The following INTS9 variants were observed in gnomAD, a reference collection of about 807,000 sequenced individuals.
The protein encoded by INTS9 is integrator complex subunit 9.
A neutral mutation model predicts 79.7 loss-of-function variants in INTS9; 55 were observed. The observed-to-expected ratio is 0.69, with a 90% confidence interval of 0.56 to 0.86. The LOEUF is 0.86. Among genes scored for constraint, INTS9 ranks in the 40% least tolerant of loss-of-function variants. The pLI is 0.00. For missense variants in INTS9, 721 were observed against 831.5 expected (o/e 0.87, Z 1.64); for synonymous variants, 319 against 325.2 (o/e 0.98, Z 0.20).
At chr8:28,869,066 C>T (rs1170936852) in intron 1 of INTS9, among the ~76,000 whole-genome samples, 1 of 152,004 alleles carries the variant, frequency 6.6e-6, no homozygotes, top group African/African-American at 2.4e-5. Flanking sequence ...TGCACTCCAT[C>T]CTGGGCTACA....
At chr8:28,856,736 A>C (rs1808184887) in intron 2 of INTS9, among the ~76,000 whole-genome samples, 1 of 152,162 alleles carries the variant, frequency 6.6e-6, no homozygotes. Context: ...ACTTGTATTT[A>C]GATTCATAGG....
chr8:28,840,679 A>G (rs1488333103), intron 4 of INTS9, among the ~76,000 whole-genome samples: 1 of 148,372 alleles, frequency 6.7e-6, no homozygotes, highest in Non-Finnish European at 1.5e-5. Context: ...ATTCTCAGTA[A>G]ACTATCACAA....
chr8:28,880,793 TC>T (rs1279361333), intron 1 of INTS9, among the ~76,000 whole-genome samples: 1 of 138,534 alleles, frequency 7.2e-6, no homozygotes, highest in Non-Finnish European at 1.6e-5. Context: ...CCGGCCGCCA[TC>T]CCATCTAGGA....
intron 1 of INTS9, among the ~76,000 whole-genome samples, chr8:28,883,035 G>C (rs1466605206): frequency 6.6e-6 from 1 of 151,850 alleles, no homozygotes; most frequent in East Asian, 1.9e-4. Context: ...CTTTTCTTGC[G>C]ATCCCTGCAA....
At chr8:28,808,132 C>T (rs1804911164) in intron 8 of INTS9, among the ~76,000 whole-genome samples, 1 of 152,080 alleles carries the variant, frequency 6.6e-6, no homozygotes, top group Non-Finnish European at 1.5e-5. Flanking sequence ...TTTCTTTCTT[C>T]CACTGTCTGT....
Position 28,769,415 on chromosome 8 carries a change from G to C in INTS9, c.1800+474C>G, listed in dbSNP as rs891963147. ...ATTTTTTTCTTTTAATCATAGTCAAGAAATCTCATCTCTGGGAGAAGCAGC... is the reference window on the plus strand; with the variant it reads ...ATTTTTTTCTTTTAATCATAGTCAACAAATCTCATCTCTGGGAGAAGCAGC... On this transcript the variant is annotated intron_variant, in intron 16 of 16. Transcript: ENST00000521022. Among the ~76,000 whole-genome samples the C allele has an allele frequency of 2.6e-5, 4 of 152,240 alleles. No homozygotes were observed. The South Asian group carries it at 8.3e-4, about 32-fold the overall frequency.
chr8:28,801,279 G>A (rs186945377), intron 8 of INTS9, among the ~76,000 whole-genome samples: 1 of 152,274 alleles, frequency 6.6e-6, no homozygotes, highest in East Asian at 1.9e-4. Context: ...CTTGAGCCCA[G>A]GAGTTTGAAA....
chr8:28,816,128 CTTTCT>C (rs996831282), intron 6 of INTS9, among the ~76,000 whole-genome samples: 19 of 151,360 alleles, frequency 1.3e-4, no homozygotes, highest in African/African-American at 3.9e-4. Context: ...GCAAAACTGA[CTTTCT>C]TTTTTTTTTC....
rs1270027330 is a variant in INTS9 at position 28,889,893 on chromosome 8, T to C, written c.-11A>G. The C allele has an allele frequency of 7.4e-6, 12 of 1,613,296 alleles. No individual in the cohort carries two copies. Among genetic ancestry groups the C allele is most frequent in the African/African-American group, 2.7e-5 (2 of 74,902 alleles). On this transcript the variant is annotated 5_prime_UTR_variant, in exon 1 of 17. Coordinates refer to ENST00000521022, the MANE Select transcript of INTS9 (RefSeq NM_018250.4). ...ACTCACCAGTTTCATAATGGACTTT[T>C]GGTGGTTCAATAGCAGTCACTGAAC... is the stretch of plus-strand genomic sequence containing the variant.
chr8:28,821,446 G>A (rs1225083603), intron 6 of INTS9, among the ~76,000 whole-genome samples: 1 of 152,166 alleles, frequency 6.6e-6, no homozygotes, highest in East Asian at 1.9e-4. Context: ...ATCTCCCCCT[G>A]GGTCCCTCCC....
At chr8:28,842,013 A>C (rs997996462) in intron 4 of INTS9, among the ~76,000 whole-genome samples, 3 of 152,198 alleles carry the variant, frequency 2.0e-5, no homozygotes, top group African/African-American at 7.2e-5. Context: ...ACTTCAGCCC[A>C]GGAGGTCGAG....
chr8:28,845,222 C>G (rs1033029636), intron 4 of INTS9, among the ~76,000 whole-genome samples: 13 of 152,154 alleles, frequency 8.5e-5, no homozygotes, highest in Non-Finnish European at 2.9e-5. Context: ...GATATTTAAG[C>G]TATTTGTACT....
Position 28,819,365 on chromosome 8 carries a change from T to C in INTS9, c.489-5753A>G, listed in dbSNP as rs1438141334. ...CTGGTATGTTGTGTCTTTGTTCTTGTTGGTTTCAAAGAACATCTTTATTTC... is the reference window on the plus strand; with the variant it reads ...CTGGTATGTTGTGTCTTTGTTCTTGCTGGTTTCAAAGAACATCTTTATTTC... On this transcript the variant is annotated intron_variant, in intron 6 of 16. Coordinates refer to ENST00000521022, the MANE Select transcript of INTS9 (RefSeq NM_018250.4). 3.9e-5 allele frequency among the ~76,000 whole-genome samples: 6 copies of C among 152,328 alleles called. No individual in the cohort carries two copies. In the East Asian group the frequency reaches 9.6e-4, roughly 24 times the overall value.
At chr8:28,801,954 G>A (rs1804552383) in intron 8 of INTS9, among the ~76,000 whole-genome samples, 1 of 152,120 alleles carries the variant, frequency 6.6e-6, no homozygotes, top group South Asian at 2.1e-4. Context: ...GAGCCAATAG[G>A]AGCATTCCCC....
chr8:28,812,205 G>C (rs778766045), intron 8 of INTS9, 122 bp downstream of exon 8: 1 of 979,796 alleles, frequency 1.0e-6, no homozygotes, highest in Non-Finnish European at 1.5e-6. Context: ...ACCTTGGCTA[G>C]AGAGTATCTG....
rs78946334 is a variant in INTS9, at chr8:28,769,571, T to A, written c.1800+318A>T. The A allele has an allele frequency of 1.9e-3, 406 of 210,916 alleles. 3 individuals are homozygous for A. The highest frequency in any genetic ancestry group is 8.6e-3 in the African/African-American group (376 of 43,522). 13.1% of individuals were successfully genotyped at this position (210,916 alleles called of 1,614,324 possible). A position where few individuals can be genotyped will look rare whatever the true frequency, so the allele number is the denominator to read the frequency against. Reference sequence around the variant, plus strand: ...GGAGTCATCTGTGGAAGTGCAAGACTCTGGCAGGGCCGGGTCCCTCTTTGT... The same window carrying A: ...GGAGTCATCTGTGGAAGTGCAAGACACTGGCAGGGCCGGGTCCCTCTTTGT... On this transcript the variant is annotated intron_variant, in intron 16 of 16. Coordinates refer to ENST00000521022, the MANE Select transcript of INTS9 (RefSeq NM_018250.4).
In INTS9 at chr8:28,779,982, C is replaced by T. The variant is rs146381639; in HGVS notation, c.1270+841G>A. Among the ~76,000 whole-genome samples the T allele has an allele frequency of 1.6e-3, 244 of 151,942 alleles. 1 individual carries two copies. Among genetic ancestry groups the T allele is most frequent in the African/African-American group, 5.6e-3 (232 of 41,470 alleles). ...AGGTAGCTACTGACAGTCCCATTTA[C>T]TGTGGGGACAGTCATGCTTGCTGGT... On this transcript the variant is annotated intron_variant, in intron 12 of 16. Coordinates refer to ENST00000521022, the MANE Select transcript of INTS9 (RefSeq NM_018250.4).
chr8:28,791,470 G>A (rs1029880042), intron 10 of INTS9, among the ~76,000 whole-genome samples: 16 of 151,984 alleles, frequency 1.1e-4, no homozygotes, highest in Non-Finnish European at 2.2e-4. Flanking sequence ...CATCACCGCC[G>A]GCAGACCACC....
chr8:28,885,659 T>C (rs1246127516), intron 1 of INTS9, among the ~76,000 whole-genome samples: 1 of 152,226 alleles, frequency 6.6e-6, no homozygotes, highest in Non-Finnish European at 1.5e-5. Context: ...TCTATTTAAA[T>C]GACTGGGTTC....
Sources: gnomAD v4.1 joint callset for allele counts (sites outside exome capture counted in the v4.1 genomes callset) on GRCh38, gnomAD v4.1.1 for gene constraint, MANE v1.5 for transcripts, NCBI Gene and HGNC (gene_info 2026-07-23, HGNC 2026-07-21) for gene names.